C3orf49: variants seen among roughly 807,000 people sequenced by gnomAD.
C3orf49 encodes chromosome 3 open reading frame 49, also known as putative uncharacterized protein C3orf49.
A neutral mutation model predicts 13.3 loss-of-function variants in C3orf49; 27 were observed. That is an observed-to-expected ratio of 2.02 (90% CI 1.49 to 2.79). The LOEUF (loss-of-function observed/expected upper bound fraction) is 2.79, where lower values mean the gene tolerates loss of function less well. Among genes scored for constraint, C3orf49 ranks in the 30% most tolerant of loss-of-function variants. C3orf49 has a pLI of 0.00. For synonymous variants in C3orf49, 87 were observed against 47.6 expected (o/e 1.83, Z -3.40); for missense variants, 242 against 134.2 (o/e 1.80, Z -3.97).
the C3orf49 span, among the ~76,000 whole-genome samples, chr3:63,788,701 G>A: frequency 3.3e-5 from 5 of 150,618 alleles, no homozygotes; most frequent in African/African-American, 1.2e-4. Context: ...CCCGGAGGAA[G>A]ATCCTATTAT....
intron 3 of C3orf49, among the ~76,000 whole-genome samples, chr3:63,830,458 T>C (rs1421877527): frequency 6.6e-6 from 1 of 152,052 alleles, no homozygotes; most frequent in Non-Finnish European, 1.5e-5. Context: ...TTTGTGTAGG[T>C]CTCACAATAG....
chr3:63,810,548 C>T, the C3orf49 span, among the ~76,000 whole-genome samples: 1 of 152,168 alleles, frequency 6.6e-6, no homozygotes, highest in East Asian at 1.9e-4. Flanking sequence ...ACACGGAATG[C>T]ACTTGAAAAC....
chr3:63,788,107 TC>T, the C3orf49 span, among the ~76,000 whole-genome samples: 1 of 152,208 alleles, frequency 6.6e-6, no homozygotes, highest in Non-Finnish European at 1.5e-5. Flanking sequence ...TCTTCTGGGT[TC>T]TTAGCATCAT....
In C3orf49 at chr3:63,836,357, T is replaced by C. The variant is rs767946270; in HGVS notation, c.849+4513T>C. 24 of 1,612,146 alleles carry C rather than the reference T, an allele frequency of 1.5e-5. No individual in the cohort carries two copies. In the African/African-American group the frequency reaches 2.7e-4, roughly 18 times the overall value. On this transcript the variant is annotated intron_variant, in intron 5 of 6. Coordinates refer to ENST00000295896, the MANE Select transcript of C3orf49 (RefSeq NM_001355236.2). ...GAATCACTTTTGCCAAAGCATCATA[T>C]TCTGTAAGACATAAAAATATTTATC...
chr3:63,796,048 G>T, the C3orf49 span, among the ~76,000 whole-genome samples: 1 of 152,150 alleles, frequency 6.6e-6, no homozygotes, highest in African/African-American at 2.4e-5. Context: ...ATAATGCAGA[G>T]ACAGTAAAAT....
At chr3:63,793,488 A>C in the C3orf49 span, among the ~76,000 whole-genome samples, 1 of 151,918 alleles carries the variant, frequency 6.6e-6, no homozygotes, top group African/African-American at 2.4e-5. Flanking sequence ...TCTTGGAGGC[A>C]GCAAATTCAT....
At chr3:63,797,816 T>C in the C3orf49 span, among the ~76,000 whole-genome samples, 62 of 152,294 alleles carry the variant, frequency 4.1e-4, no homozygotes, top group East Asian at 0.012. Flanking sequence ...CAGGGATTCT[T>C]AACATGTAGA....
intron 5 of C3orf49, chr3:63,838,431 A>G (rs1408224659): frequency 1.9e-6 from 3 of 1,606,036 alleles, no homozygotes; most frequent in African/African-American, 1.3e-5. Context: ...ATCATATACT[A>G]GTAAAGTTTT....
the C3orf49 span, among the ~76,000 whole-genome samples, chr3:63,794,172 T>TACACACACACACACACACAC: frequency 3.1e-3 from 438 of 142,678 alleles, 1 homozygote; most frequent in African/African-American, 0.011. Context: ...TACACACACA[T>TACACACACACACACACACAC]ACACACACAC....
the C3orf49 span, among the ~76,000 whole-genome samples, chr3:63,792,523 T>C: frequency 2.6e-5 from 4 of 152,142 alleles, no homozygotes; most frequent in Non-Finnish European, 4.4e-5. Flanking sequence ...TCTCTTGGTG[T>C]CACAAAAAGA....
intron 5 of C3orf49, among the ~76,000 whole-genome samples, chr3:63,834,597 T>C (rs534863003): frequency 2.0e-5 from 3 of 151,684 alleles, no homozygotes; most frequent in South Asian, 4.2e-4. Flanking sequence ...AAGGTGAGGA[T>C]TGCAGTGAGC....
the C3orf49 span, among the ~76,000 whole-genome samples, chr3:63,788,385 A>G: frequency 6.6e-6 from 1 of 152,206 alleles, no homozygotes; most frequent in Non-Finnish European, 1.5e-5. Flanking sequence ...GGAGAAATAC[A>G]ATATGTCTTT....
the C3orf49 span, among the ~76,000 whole-genome samples, chr3:63,781,309 G>A: frequency 1.3e-5 from 2 of 151,586 alleles, no homozygotes; most frequent in Non-Finnish European, 2.9e-5. Flanking sequence ...TAGATATGCG[G>A]CATTATGTCT....
At chr3:63,806,682 A>G in the C3orf49 span, among the ~76,000 whole-genome samples, 1 of 152,058 alleles carries the variant, frequency 6.6e-6, no homozygotes, top group African/African-American at 2.4e-5. Context: ...TCCACCTCTA[A>G]ACAATTATAT....
the C3orf49 span, among the ~76,000 whole-genome samples, chr3:63,781,327 C>G: frequency 6.6e-6 from 1 of 151,900 alleles, no homozygotes; most frequent in African/African-American, 2.4e-5. Flanking sequence ...TCTGAGGGCT[C>G]TGTTCTGTTC....
the C3orf49 span, among the ~76,000 whole-genome samples, chr3:63,805,760 G>A: frequency 2.0e-5 from 3 of 152,076 alleles, no homozygotes; most frequent in Non-Finnish European, 4.4e-5. Flanking sequence ...TATTACACTG[G>A]ATGCTAAACA....
At chr3:63,826,178 G>T (rs554137154) in intron 2 of C3orf49, among the ~76,000 whole-genome samples, 3 of 152,152 alleles carry the variant, frequency 2.0e-5, no homozygotes, top group African/African-American at 4.8e-5. Context: ...TCTTCTAAGG[G>T]TGATAAGAAA....
intron 5 of C3orf49, chr3:63,836,462 CAT>C: frequency 1.9e-6 from 2 of 1,038,188 alleles, no homozygotes; most frequent in Non-Finnish European, 2.9e-6. Flanking sequence ...TTTCCTAGTA[CAT>C]CAAGAAATGA....
intron 1 of C3orf49, among the ~76,000 whole-genome samples, chr3:63,822,719 T>A (rs146097431): frequency 9.3e-4 from 142 of 152,332 alleles, no homozygotes; most frequent in African/African-American, 3.3e-3. Context: ...GTTTACAGTA[T>A]GTTATCTAAA....
Sources: gnomAD v4.1 joint callset for allele counts (sites outside exome capture counted in the v4.1 genomes callset) on GRCh38, gnomAD v4.1.1 for gene constraint, MANE v1.5 for transcripts, NCBI Gene and HGNC (gene_info 2026-07-23, HGNC 2026-07-21) for gene names.